Variants in CACNA1E observed in about 807,000 individuals in gnomAD.
CACNA1E encodes voltage-dependent R-type calcium channel subunit alpha-1E.
Under a neutral mutation model 259.2 loss-of-function variants are expected in CACNA1E, and 40 were observed. The ratio of observed to expected loss-of-function variants is 0.15; its 90% CI spans 0.12 to 0.20. The LOEUF (loss-of-function observed/expected upper bound fraction) is 0.20. Ranked by LOEUF, CACNA1E falls within the 10% of genes least tolerant of loss-of-function variation. CACNA1E has a pLI of 1.00. For synonymous variants in CACNA1E, 1,104 were observed against 1,138.5 expected (o/e 0.97, Z 0.61); for missense variants, 1,874 against 3,040.1 (o/e 0.62, Z 9.02).
intron 1 of CACNA1E, among the ~76,000 whole-genome samples, chr1:181,497,033 G>A (rs377645212): frequency 1.3e-5 from 2 of 152,098 alleles, no homozygotes; most frequent in African/African-American, 2.4e-5. Context: ...ATGTCAATCC[G>A]AGGATCTGGG....
intron 6 of CACNA1E, among the ~76,000 whole-genome samples, chr1:181,586,026 C>G (rs1652024751): frequency 6.6e-6 from 1 of 152,044 alleles, no homozygotes; most frequent in Admixed American, 6.6e-5. Context: ...GGATTCAAAT[C>G]AAGGTTATAG....
At chr1:181,729,866 C>T (rs1257168739) in intron 18 of CACNA1E, among the ~76,000 whole-genome samples, 1 of 152,216 alleles carries the variant, frequency 6.6e-6, no homozygotes, top group East Asian at 1.9e-4. Context: ...TGTGCTTTTC[C>T]TAGCAGATGT....
intron 1 of CACNA1E, among the ~76,000 whole-genome samples, chr1:181,382,776 T>G (rs1655547074): frequency 6.6e-6 from 1 of 152,230 alleles, no homozygotes; most frequent in Non-Finnish European, 1.5e-5. Flanking sequence ...AGGGCATGGC[T>G]TGACCCAACC....
intron 2 of CACNA1E, among the ~76,000 whole-genome samples, chr1:181,450,925 G>T (rs1661116709): frequency 6.6e-6 from 1 of 152,196 alleles, no homozygotes; most frequent in Non-Finnish European, 1.5e-5. Flanking sequence ...GAATTGCAAA[G>T]AGTAGGACTT....
At chr1:181,408,097 G>A (rs968505124) in intron 1 of CACNA1E, among the ~76,000 whole-genome samples, 8 of 152,142 alleles carry the variant, frequency 5.3e-5, no homozygotes, top group African/African-American at 1.7e-4. Flanking sequence ...TGTGCTTGGT[G>A]GTCTATGCAG....
chr1:181,755,410 A>T lies in CACNA1E; in HGVS notation c.3989+13A>T. 1 of 1,611,106 alleles carries T rather than the reference A, an allele frequency of 6.2e-7. No homozygotes were observed. The highest frequency in any genetic ancestry group is 8.5e-7 in the Non-Finnish European group (1 of 1,177,642). Reference sequence around the variant, plus strand: ...AGAAGGAGTGCATGTAAGTGCCACCAGCGCATTCCACTTGATTTTGCTGAA... The same window carrying T: ...AGAAGGAGTGCATGTAAGTGCCACCTGCGCATTCCACTTGATTTTGCTGAA... On this transcript the variant is annotated intron_variant, in intron 28 of 47. Coordinates refer to ENST00000367573, the MANE Select transcript of CACNA1E (RefSeq NM_001205293.3).
intron 7 of CACNA1E, among the ~76,000 whole-genome samples, chr1:181,692,965 C>A (rs1338001055): frequency 1.3e-5 from 2 of 151,772 alleles, no homozygotes; most frequent in African/African-American, 2.4e-5. Flanking sequence ...AAACAAACAA[C>A]CCCATTAAAA....
Position 181,717,120 on chromosome 1 carries a change from A to G in CACNA1E, c.1343A>G (p.Lys448Arg). 6.2e-7 allele frequency: 1 copy of G among 1,614,084 alleles called. No individual in the cohort carries two copies. The highest frequency in any genetic ancestry group is 8.5e-7 in the Non-Finnish European group (1 of 1,179,902). ...ACACCTCTGGCCCGAGCCAGTATCA[A>G]AAGTGCAAAGGTAGACGGGGTCTCT... ...VGTPLARASI[K>R]SAKVDGVSYF... Residue 448 changes from lysine to arginine, a missense_variant, in exon 11 of 48, where the codon AAA becomes AGA. Transcript: ENST00000367573.
intron 1 of CACNA1E, among the ~76,000 whole-genome samples, chr1:181,370,322 G>A (rs953428952): frequency 1.3e-5 from 2 of 150,426 alleles, no homozygotes; most frequent in African/African-American, 2.5e-5. Flanking sequence ...GAGTACATGT[G>A]GAGGTTTGTT....
At chr1:181,675,549 CTT>C (rs1186740317) in intron 7 of CACNA1E, among the ~76,000 whole-genome samples, 1 of 152,154 alleles carries the variant, frequency 6.6e-6, no homozygotes, top group African/African-American at 2.4e-5. Context: ...GAGAAATAAA[CTT>C]TGAAAATTCT....
rs74130023 is a variant in CACNA1E at position 181,522,602 on chromosome 1, G to A, written c.512+11092G>A. On this transcript the variant is annotated intron_variant, in intron 3 of 47. Transcript: ENST00000367573. ...GAATCTGGATCCTAACTGAACTCTG[G>A]TTAATAACCACTGTAAATATAACAT... Among the ~76,000 whole-genome samples the A allele has an allele frequency of 1.3e-3, 201 of 152,260 alleles. 2 individuals are homozygous for A. Among genetic ancestry groups the A allele is most frequent in the African/African-American group, 4.7e-3 (197 of 41,554 alleles).
At chr1:181,614,316 CT>C (rs1392150317) in intron 6 of CACNA1E, among the ~76,000 whole-genome samples, 4 of 152,156 alleles carry the variant, frequency 2.6e-5, no homozygotes, top group African/African-American at 9.6e-5. Flanking sequence ...AGCAATTTAA[CT>C]TTTTCTTATA....
chr1:181,731,833 C>T (rs1294083647), intron 19 of CACNA1E, among the ~76,000 whole-genome samples: 1 of 152,024 alleles, frequency 6.6e-6, no homozygotes, highest in Non-Finnish European at 1.5e-5. Context: ...AGACTCCTAG[C>T]ACTCTTACTT....
chr1:181,451,925 A>G (rs1235305461), intron 2 of CACNA1E, among the ~76,000 whole-genome samples: 1 of 152,202 alleles, frequency 6.6e-6, no homozygotes, highest in African/African-American at 2.4e-5. Context: ...AGGGAGTGCC[A>G]GAGATGTCTG....
At chr1:181,484,099 C>A in intron 1 of CACNA1E, 89 bp downstream of exon 1, 1 of 1,329,650 alleles carries the variant, frequency 7.5e-7, no homozygotes, top group Non-Finnish European at 1.1e-6. Flanking sequence ...TATCCCCCAC[C>A]CCTTCCTGGT....
At chr1:181,416,239 C>T (rs1658265730) in intron 2 of CACNA1E, among the ~76,000 whole-genome samples, 2 of 152,318 alleles carry the variant, frequency 1.3e-5, no homozygotes, top group Non-Finnish European at 2.9e-5. Flanking sequence ...TCTGCAGACG[C>T]CAGTAGGCCA....
chr1:181,471,393 A>T (rs1662497084), intron 2 of CACNA1E, among the ~76,000 whole-genome samples: 1 of 152,220 alleles, frequency 6.6e-6, no homozygotes, highest in Admixed American at 6.5e-5. Flanking sequence ...TCTGATCTTT[A>T]TTCGCCTTAT....
At chr1:181,720,899 T>C (rs1220236425) in intron 15 of CACNA1E, 44 bp downstream of exon 15, 1 of 1,218,362 alleles carries the variant, frequency 8.2e-7, no homozygotes, top group Admixed American at 1.8e-5. Context: ...ATGGGGTCCC[T>C]TGGACTGCAC....
chr1:181,719,987 C>A, intron 13 of CACNA1E, 124 bp downstream of exon 13: 2 of 743,774 alleles, frequency 2.7e-6, no homozygotes, highest in Non-Finnish European at 4.3e-6. Flanking sequence ...TGCCCCACCC[C>A]TTTTCTATTC....
Sources: gnomAD v4.1 joint callset for allele counts (sites outside exome capture counted in the v4.1 genomes callset) on GRCh38, gnomAD v4.1.1 for gene constraint, MANE v1.5 for transcripts, NCBI Gene and HGNC (gene_info 2026-07-23, HGNC 2026-07-21) for gene names.